NRXN3: variants seen among roughly 807,000 people sequenced by gnomAD.
NRXN3 encodes the protein neurexin III.
NRXN3 carries 32 observed loss-of-function variants against 137.6 expected under a neutral mutation model. The observed-to-expected ratio is 0.23, with a 90% CI of 0.18 to 0.31. The LOEUF is 0.31. Among genes scored for constraint, NRXN3 ranks in the 10% least tolerant of loss-of-function variants. NRXN3 has a pLI of 1.00. For missense variants in NRXN3, 1,574 were observed against 2,062.5 expected, an observed-to-expected ratio of 0.76 and a Z score of 4.59; for synonymous variants, 798 against 784.5, an observed-to-expected ratio of 1.02 and a Z score of -0.29.
intron 20 of NRXN3, chr14:79,823,826 T>G (rs1235067505): frequency 2.9e-6 from 1 of 343,424 alleles, no homozygotes; most frequent in Admixed American, 2.5e-5. Flanking sequence ...AATTCAAAGA[T>G]GATGATGATG....
At chr14:78,861,990 G>A (rs2099073633) in intron 10 of NRXN3, among the ~76,000 whole-genome samples, 1 of 152,076 alleles carries the variant, frequency 6.6e-6, no homozygotes, top group East Asian at 1.9e-4. Context: ...AAGTGAACAA[G>A]ACAGATAAGT....
intron 4 of NRXN3, among the ~76,000 whole-genome samples, chr14:78,488,632 C>T (rs1022132108): frequency 2.6e-5 from 4 of 151,092 alleles, no homozygotes; most frequent in Non-Finnish European, 5.9e-5. Context: ...GAGAAAGAAT[C>T]AAGTGTTGAG....
intron 4 of NRXN3, among the ~76,000 whole-genome samples, chr14:78,396,286 A>C: frequency 6.6e-6 from 1 of 151,932 alleles, no homozygotes; most frequent in Non-Finnish European, 1.5e-5. Context: ...ACCCTCCCCT[A>C]TTTATAATTT....
At chr14:79,824,255 C>T (rs952439275) in intron 20 of NRXN3, among the ~76,000 whole-genome samples, 2 of 152,200 alleles carry the variant, frequency 1.3e-5, no homozygotes, top group Non-Finnish European at 2.9e-5. Context: ...AAATCAGCTG[C>T]AGATTAATTG....
Position 78,334,331 on chromosome 14 carries a change from C to A in NRXN3, c.757+36471C>A, listed in dbSNP as rs77397540. Among the ~76,000 whole-genome samples, 266 of 152,232 alleles carry A rather than the reference C, an allele frequency of 1.7e-3. 1 individual carries two copies. Among genetic ancestry groups the A allele is most frequent in the African/African-American group, 6.1e-3 (253 of 41,538 alleles). On this transcript the variant is annotated intron_variant, in intron 4 of 20. Coordinates refer to ENST00000335750, the MANE Select transcript of NRXN3 (RefSeq NM_001330195.2). ...GGGCACTTTCCAGAATCACTTCTTT[C>A]CTGTGAGAGTTTCCTAACTTTGTGT... is the stretch of plus-strand genomic sequence containing the variant.
intron 1 of NRXN3, among the ~76,000 whole-genome samples, chr14:78,196,114 C>G (rs1406783160): frequency 6.6e-6 from 1 of 152,206 alleles, no homozygotes. Flanking sequence ...GAGTTTGAGG[C>G]TTTTCCCACG....
rs376469489 is a variant in NRXN3, at chr14:79,440,157, T to A, written c.3263-27064T>A. Among the ~76,000 whole-genome samples the A allele has an allele frequency of 3.0e-4, 45 of 152,292 alleles. 1 individual carries two copies. The highest frequency in any genetic ancestry group is 9.9e-4 in the African/African-American group (41 of 41,558). On this transcript the variant is annotated intron_variant, in intron 15 of 20. Coordinates refer to ENST00000335750, the MANE Select transcript of NRXN3 (RefSeq NM_001330195.2). The stretch of plus-strand genomic sequence containing the variant: ...TTTTAGCATTTACCCTATGGAAGCT[T>A]ATAGCCTGGATGGCAAGATCAAATT...
chr14:79,791,645 C>T (rs1435346302), intron 19 of NRXN3, among the ~76,000 whole-genome samples: 1 of 151,216 alleles, frequency 6.6e-6, no homozygotes, highest in Non-Finnish European at 1.5e-5. Flanking sequence ...CTTGGCTTTC[C>T]CCCCAACTTG....
intron 4 of NRXN3, among the ~76,000 whole-genome samples, chr14:78,554,622 G>A (rs778463122): frequency 3.3e-5 from 5 of 152,168 alleles, no homozygotes; most frequent in Admixed American, 2.6e-4. Flanking sequence ...CTTCTGCATA[G>A]AGACCTTCTG....
At position 79,331,962 on chromosome 14, in the gene NRXN3, TCC is replaced by T. The variant is rs1555382715; in HGVS notation, c.3263-135257_3263-135256del. ...GGCAGATACTTTTACTTTATTACAT[TCC>T]CAAATGAGGAAATGTGCTGATTAGA... On this transcript the variant is annotated intron_variant, in intron 15 of 20. Transcript: ENST00000335750. Among the ~76,000 whole-genome samples, 15 of 152,224 alleles carry T rather than the reference TCC, an allele frequency of 9.9e-5. No individual in the cohort carries two copies. In the South Asian group the frequency reaches 2.3e-3, roughly 23 times the overall value.
intron 10 of NRXN3, among the ~76,000 whole-genome samples, chr14:78,860,453 G>A (rs1031554240): frequency 9.2e-5 from 14 of 152,084 alleles, no homozygotes; most frequent in African/African-American, 3.4e-4. Flanking sequence ...TTTGGTAGGA[G>A]AGGCAAGGAG....
chr14:79,612,639 G>A (rs77530421), intron 16 of NRXN3, among the ~76,000 whole-genome samples: 2,601 of 152,218 alleles, frequency 0.017, 63 homozygotes, highest in African/African-American at 0.059. Context: ...GCTTGGGGCC[G>A]GGAGTTTGAG....
intron 19 of NRXN3, among the ~76,000 whole-genome samples, chr14:79,783,008 A>G (rs1279629576): frequency 6.6e-6 from 1 of 152,206 alleles, no homozygotes; most frequent in Admixed American, 6.5e-5. Flanking sequence ...AGATAAGGAC[A>G]TTTATCTTCT....
At chr14:78,213,678 T>C (rs1595964889) in intron 1 of NRXN3, among the ~76,000 whole-genome samples, 3 of 151,792 alleles carry the variant, frequency 2.0e-5, no homozygotes. Context: ...ATCCAAAAGG[T>C]GGTAGCTGTG....
chr14:78,995,639 C>T (rs937662961), intron 15 of NRXN3, among the ~76,000 whole-genome samples: 3 of 152,020 alleles, frequency 2.0e-5, no homozygotes, highest in East Asian at 1.9e-4. Context: ...GGCTACTCTT[C>T]GATATTACTT....
intron 2 of NRXN3, among the ~76,000 whole-genome samples, chr14:78,263,068 G>A (rs1262198904): frequency 6.6e-6 from 1 of 150,734 alleles, no homozygotes; most frequent in Non-Finnish European, 1.5e-5. Flanking sequence ...TTAGTTTATG[G>A]GATATGCCCT....
intron 4 of NRXN3, among the ~76,000 whole-genome samples, chr14:78,375,874 T>A (rs1361793082): frequency 6.6e-6 from 1 of 152,100 alleles, no homozygotes; most frequent in Non-Finnish European, 1.5e-5. Context: ...TTATAATAAA[T>A]TAAGGTCCCC....
At chr14:79,087,375 G>A (rs1027995989) in intron 15 of NRXN3, among the ~76,000 whole-genome samples, 7 of 152,116 alleles carry the variant, frequency 4.6e-5, no homozygotes, top group Non-Finnish European at 8.8e-5. Context: ...GCCATCCCCG[G>A]TGGAGTCAAT....
intron 6 of NRXN3, among the ~76,000 whole-genome samples, chr14:78,654,700 G>A (rs762262942): frequency 4.6e-5 from 7 of 152,196 alleles, no homozygotes; most frequent in Non-Finnish European, 8.8e-5. Flanking sequence ...CATGAAGTCA[G>A]CATCTTGTTC....
Sources: allele counts gnomAD v4.1 joint callset (sites outside exome capture counted in the v4.1 genomes callset), GRCh38; gene constraint gnomAD v4.1.1; transcripts MANE v1.5; gene names NCBI Gene and HGNC (gene_info 2026-07-23, HGNC 2026-07-21).